Variants in STK11IP observed in about 807,000 individuals in gnomAD.
STK11IP encodes the protein serine/threonine kinase 11 interacting protein, also known as serine/threonine-protein kinase 11-interacting protein.
A neutral mutation model predicts 131.7 loss-of-function variants in STK11IP; 103 were observed. That is an observed-to-expected ratio of 0.78 (90% CI 0.67 to 0.92). The LOEUF (loss-of-function observed/expected upper bound fraction) is 0.92. STK11IP is among the 40% of genes least tolerant of loss of function. The pLI is 0.00. For synonymous variants in STK11IP, 557 were observed against 575.6 expected (o/e 0.97, Z 0.46); for missense variants, 1,315 against 1,385.7 (o/e 0.95, Z 0.81).
At chr2:219,610,709 C>T (rs527325081) in intron 17 of STK11IP, among the ~76,000 whole-genome samples, 3 of 152,112 alleles carry the variant, frequency 2.0e-5, no homozygotes, top group African/African-American at 7.2e-5. Flanking sequence ...AACCATTCTC[C>T]TTTCACTTGC....
At position 219,613,864 on chromosome 2, in the gene STK11IP, G is replaced by A. The variant is rs768067989; in HGVS notation, c.2650G>A (p.Ala884Thr). Residue 884 changes from alanine to threonine, a missense_variant, in exon 21 of 25, where the codon GCG becomes ACG. Physicochemically the swap from Ala to Thr is moderately conservative, Grantham distance 58 (BLOSUM62 0). Coordinates refer to ENST00000456909, the MANE Select transcript of STK11IP (RefSeq NM_052902.4). Reference protein sequence around the residue: ...QSLRLEWAAGAGRCVLLPRDA... With the variant: ...QSLRLEWAAGTGRCVLLPRDA... ...CCTGCGGCTAGAGTGGGCAGCTGGG[G>A]CGGGCCGCTGTGTGCTGCTGCCCCG... 1 of 1,612,056 alleles carries A rather than the reference G, an allele frequency of 6.2e-7. No homozygotes were observed. The highest frequency in any genetic ancestry group is 1.7e-5 in the Admixed American group (1 of 59,960).
At chr2:219,615,944 A>T in intron 24 of STK11IP, 100 bp from the exon 25 acceptor site, 1 of 1,491,254 alleles carries the variant, frequency 6.7e-7, no homozygotes, top group Non-Finnish European at 9.1e-7. Context: ...AGAGGCACTG[A>T]GCCAAGGTGG....
In STK11IP at chr2:219,609,427, A is replaced by G. The variant is rs1209619005; in HGVS notation, c.1991A>G (p.Asp664Gly). Reference protein sequence around the residue: ...VAREQLGEARDLLLGRFQCLR... With the variant: ...VAREQLGEARGLLLGRFQCLR... ...CGGGAACAGCTTGGGGAGGCCAGGG[A>G]CCTCCTGCTGGGTAGATTCCAGTGT... Residue 664 changes from aspartate to glycine, a missense_variant, in exon 17 of 25, where the codon GAC (aspartate) becomes GGC (glycine). By Grantham distance (94) the Asp-to-Gly change is moderately conservative (BLOSUM62 -1). Transcript: ENST00000456909. The G allele has an allele frequency of 4.3e-6, 7 of 1,612,772 alleles. No individual in the cohort carries two copies. The highest frequency in any genetic ancestry group is 5.9e-6 in the Non-Finnish European group (7 of 1,179,644).
At chr2:219,612,518 G>A (rs973128198) in intron 19 of STK11IP, among the ~76,000 whole-genome samples, 1 of 152,260 alleles carries the variant, frequency 6.6e-6, no homozygotes, top group African/African-American at 2.4e-5. Context: ...TTGAAGGGGT[G>A]TCTAGTCCAG....
At position 219,615,130 on chromosome 2, in the gene STK11IP, C is replaced by T. The variant is rs373789645; in HGVS notation, c.2906C>T (p.Pro969Leu). 77 of 1,609,128 alleles carry T rather than the reference C, an allele frequency of 4.8e-5. No individual in the cohort carries two copies. Among genetic ancestry groups the T allele is most frequent in the Non-Finnish European group, 5.9e-5 (69 of 1,179,054 alleles). The part of the protein sequence containing the change: ...STCLVSLLLT[P>L]STLFLLDEDA... ...TGCCTCGTATCCCTGTTGCTGACTC[C>T]GTCCACCCTGTTCCTGTTAGATGAG... The change falls in exon 24 of 25, where the codon CCG (proline) becomes CTG (leucine). Residue 969 changes from proline (P) to leucine (L), a missense_variant. Transcript: ENST00000456909.
At chr2:219,601,477 G>T (rs620698) in intron 3 of STK11IP, 37 bp downstream of exon 3, 1,519,987 of 1,608,426 alleles carry the variant, frequency 0.95, 730,110 homozygotes, top group East Asian at 1. Flanking sequence ...TGTGCAAGGA[G>T]CCCAAGAGAA....
chr2:219,602,122 G>T, intron 5 of STK11IP, 39 bp downstream of exon 5: 1 of 1,441,244 alleles, frequency 6.9e-7, no homozygotes, highest in South Asian at 1.2e-5. Context: ...ACCTCAACTT[G>T]AGAGATGTAG....
At chr2:219,613,074 C>G in intron 19 of STK11IP, 54 bp from the exon 20 acceptor site, 1 of 1,482,994 alleles carries the variant, frequency 6.7e-7, no homozygotes, top group Non-Finnish European at 9.3e-7. Context: ...TTCAGTCTGG[C>G]CCCACCTCCC....
rs1476791462 is a variant in STK11IP at position 219,608,273 on chromosome 2, A to G, written c.1446A>G (p.Ser482=). The part of the protein sequence containing the change: ...PQEEARGPQE[S]PQKMSEEVRA... ...AGGAAGCCAGAGGCCCCCAGGAGTC[A>G]CCACAGAAAATGTCAGAGGAGGTCA... Residue 482 remains serine (S), a synonymous_variant, in exon 14 of 25, where the codon TCA becomes TCG. Coordinates refer to ENST00000456909, the MANE Select transcript of STK11IP (RefSeq NM_052902.4). 1 of 1,613,104 alleles carries G rather than the reference A, an allele frequency of 6.2e-7. No homozygotes were observed. Among genetic ancestry groups the G allele is most frequent in the African/African-American group, 1.3e-5 (1 of 74,914 alleles).
intron 23 of STK11IP, chr2:219,614,842 G>A: frequency 1.6e-6 from 1 of 627,710 alleles, no homozygotes; most frequent in South Asian, 1.9e-5. Flanking sequence ...AGTCACAGAA[G>A]GAGAGGGTGG....
intron 17 of STK11IP, among the ~76,000 whole-genome samples, chr2:219,610,549 C>T (rs1457410282): frequency 6.6e-6 from 1 of 152,108 alleles, no homozygotes; most frequent in Non-Finnish European, 1.5e-5. Flanking sequence ...ACTACAGGCG[C>T]CCACCACCAC....
chr2:219,605,448 G>C (rs1470069290), intron 7 of STK11IP, 160 bp from the exon 8 acceptor site: 2 of 669,374 alleles, frequency 3.0e-6, no homozygotes, highest in African/African-American at 1.8e-5. Flanking sequence ...TGTTGTTCAA[G>C]TCTTTTAACG....
chr2:219,598,080 C>CT lies in STK11IP; in HGVS notation c.-26-11dup. On this transcript the variant is annotated splice_polypyrimidine_tract_variant and intron_variant, in intron 1 of 24. Transcript: ENST00000456909. ...CCCACCTGAGGCTCTTCCGCTTCCT[C>CT]TTTCCCCCCCCAGGCTCCGCCCCCC... is the stretch of plus-strand genomic sequence containing the variant. The CT allele has an allele frequency of 3.2e-6, 5 of 1,578,468 alleles. No homozygotes were observed. The highest frequency in any genetic ancestry group is 1.2e-5 in the South Asian group (1 of 86,142).
At chr2:219,609,739 A>C in intron 17 of STK11IP, 199 bp downstream of exon 17, 12 of 495,286 alleles carry the variant, frequency 2.4e-5, no homozygotes, top group Admixed American at 4.6e-5. Context: ...AAGAAACTAT[A>C]TCCTGTTTTT....
chr2:219,605,507 A>G, intron 7 of STK11IP, 101 bp from the exon 8 acceptor site: 2 of 1,238,466 alleles, frequency 1.6e-6, no homozygotes, highest in Non-Finnish European at 2.3e-6. Context: ...GTGCAGTTTT[A>G]TATAGGCCAA....
intron 2 of STK11IP, among the ~76,000 whole-genome samples, chr2:219,598,819 G>A (rs1697885018): frequency 6.6e-6 from 1 of 152,190 alleles, no homozygotes; most frequent in South Asian, 2.1e-4. Context: ...ATTAGTTGTG[G>A]TAGAAAAAGC....
intron 15 of STK11IP, 85 bp downstream of exon 15, chr2:219,608,873 T>G: frequency 7.1e-7 from 1 of 1,400,590 alleles, no homozygotes; most frequent in Non-Finnish European, 9.5e-7. Flanking sequence ...GGGCATTTCT[T>G]TCAGTCTCTC....
In STK11IP at chr2:219,598,144, C is replaced by A; in HGVS notation, c.25C>A (p.Leu9Met). ...CATGACGACCGCTCAGAGGGACTCC[C>A]TGTTGTGGAAGCTCGCGGGGTTGCT... Reference protein sequence around the residue: MTTAQRDSLLWKLAGLLRE... With the variant: MTTAQRDSMLWKLAGLLRE... Residue 9 changes from leucine to methionine, a missense_variant, in exon 2 of 25, where the codon CTG (leucine) becomes ATG (methionine). Transcript: ENST00000456909. 6.3e-7 allele frequency: 1 copy of A among 1,587,084 alleles called. No homozygotes were observed. Among genetic ancestry groups the A allele is most frequent in the Non-Finnish European group, 8.6e-7 (1 of 1,166,912 alleles).
intron 17 of STK11IP, 28 bp downstream of exon 17, chr2:219,609,568 C>T (rs1336866932): frequency 1.3e-6 from 2 of 1,551,688 alleles, no homozygotes; most frequent in Admixed American, 3.9e-5. Context: ...GACCTCTCTG[C>T]CCACACGCCT....
Sources: allele counts gnomAD v4.1 joint callset (sites outside exome capture counted in the v4.1 genomes callset), GRCh38; gene constraint gnomAD v4.1.1; transcripts MANE v1.5; gene names NCBI Gene and HGNC (gene_info 2026-07-23, HGNC 2026-07-21).